Variants in MTMR14 observed in about 807,000 individuals in gnomAD.
MTMR14 encodes the protein phosphatidylinositol-3,5-bisphosphate 3-phosphatase MTMR14.
Under a neutral mutation model 86.3 loss-of-function variants are expected in MTMR14, and 48 were observed. The ratio of observed to expected loss-of-function variants is 0.56; its 90% CI spans 0.44 to 0.71. The LOEUF (loss-of-function observed/expected upper bound fraction) is 0.71, where lower values mean the gene tolerates loss of function less well. MTMR14 is among the 30% of genes least tolerant of loss of function. The pLI is 0.00. For synonymous variants in MTMR14, 366 were observed against 326.1 expected, an observed-to-expected ratio of 1.12 and a Z score of -1.32; for missense variants, 780 against 834.6, an observed-to-expected ratio of 0.93 and a Z score of 0.81.
At chr3:9,651,681 T>C (rs1460105547) in intron 1 of MTMR14, among the ~76,000 whole-genome samples, 2 of 152,078 alleles carry the variant, frequency 1.3e-5, no homozygotes, top group Admixed American at 6.5e-5. Flanking sequence ...AAACTTTTTT[T>C]TTCAGAAGGA....
intron 2 of MTMR14, 186 bp downstream of exon 2, chr3:9,653,955 G>C (rs1425925580): frequency 1.4e-6 from 1 of 734,218 alleles, no homozygotes; most frequent in Non-Finnish European, 2.3e-6. Context: ...AGAATGAGGG[G>C]TTGGGAGTAA....
chr3:9,677,390 A>T lies in MTMR14; in HGVS notation c.822+3A>T. The T allele has an allele frequency of 6.2e-7, 1 of 1,613,090 alleles. No individual in the cohort carries two copies. On this transcript the variant is annotated splice_donor_region_variant and intron_variant, in intron 8 of 18. Transcript: ENST00000296003. The surrounding 1 kb of genome is among the most constrained non-coding windows in gnomAD (Gnocchi z 4.2). ...GGCTCATATTTAACTGGAAGCAGGT[A>T]TGAGCAATAACATACATCAAATTGG...
At chr3:9,667,007 C>T (rs546211206) in intron 3 of MTMR14, among the ~76,000 whole-genome samples, 7 of 152,258 alleles carry the variant, frequency 4.6e-5, no homozygotes, top group South Asian at 2.1e-4. Flanking sequence ...CCATCTGACT[C>T]GGGTTTTGCT....
At chr3:9,655,713 G>A (rs558744596) in intron 2 of MTMR14, among the ~76,000 whole-genome samples, 47 of 151,034 alleles carry the variant, frequency 3.1e-4, no homozygotes, top group Admixed American at 1.1e-3. Flanking sequence ...CAGCCGCCTC[G>A]GCCTCCCTAA....
intron 2 of MTMR14, among the ~76,000 whole-genome samples, chr3:9,658,816 C>T (rs943626497): frequency 2.0e-5 from 3 of 152,178 alleles, no homozygotes; most frequent in East Asian, 3.8e-4. Context: ...AGGAACAAGC[C>T]ACCCAGTTTG....
chr3:9,701,967 C>G lies in MTMR14; in HGVS notation c.1947C>G (p.Ala649=). The G allele has an allele frequency of 6.2e-7, 1 of 1,614,152 alleles. No homozygotes were observed. The highest frequency in any genetic ancestry group is 8.5e-7 in the Non-Finnish European group (1 of 1,180,034). The change falls in exon 19 of 19, where the codon GCC becomes GCG. Residue 649 remains alanine, a synonymous_variant. Coordinates refer to ENST00000296003, the MANE Select transcript of MTMR14 (RefSeq NM_001077525.3). The surrounding 1 kb of genome is among the most constrained non-coding windows in gnomAD (Gnocchi z 4.2). ...GACTCCGGAGCATCAGCAGCAATGC[C>G]TTGTGAAGAAGCCAGCCCATGACAT... ...GVGLRSISSN[A]L
chr3:9,697,829 C>CCTTT lies in MTMR14; in HGVS notation c.1734_1737dup (p.Ser580PhefsTer6). 6.2e-7 allele frequency: 1 copy of CCTTT among 1,614,224 alleles called. No individual in the cohort carries two copies. The highest frequency in any genetic ancestry group is 2.2e-5 in the East Asian group (1 of 44,880). ...TGTCCTGCACACAGACTCCTCTCTCCCTTTCAGCTTCCCGGATGAGCTCCC... is the reference window on the plus strand; with the variant it reads ...TGTCCTGCACACAGACTCCTCTCTCCCTTTCTTTCAGCTTCCCGGATGAGCTCCC... On this transcript the variant is annotated frameshift_variant, in exon 18 of 19. Coordinates refer to ENST00000296003, the MANE Select transcript of MTMR14 (RefSeq NM_001077525.3). LOFTEE classifies it high-confidence loss of function.
intron 5 of MTMR14, 63 bp downstream of exon 5, chr3:9,669,555 G>T: frequency 6.5e-7 from 1 of 1,544,294 alleles, no homozygotes; most frequent in South Asian, 1.2e-5. Context: ...GCCAGAGATG[G>T]CCATGTTCAT....
chr3:9,653,569 A>C, intron 1 of MTMR14, 52 bp from the exon 2 acceptor site: 2 of 1,612,616 alleles, frequency 1.2e-6, no homozygotes, highest in Non-Finnish European at 1.7e-6. Flanking sequence ...CCTAATTCTC[A>C]CCCTCAGAAC....
intron 6 of MTMR14, among the ~76,000 whole-genome samples, chr3:9,672,065 A>G (rs1038244660): frequency 2.0e-5 from 3 of 152,288 alleles, no homozygotes; most frequent in Middle Eastern, 6.8e-3. Flanking sequence ...AAGGGTTCCC[A>G]TAGGATCATA....
intron 9 of MTMR14, among the ~76,000 whole-genome samples, chr3:9,678,297 C>T (rs917791178): frequency 2.6e-5 from 4 of 152,230 alleles, no homozygotes; most frequent in Non-Finnish European, 4.4e-5. Context: ...CAAAGATTTG[C>T]ATCCACCAGG....
At chr3:9,662,546 T>C (rs1417334162) in intron 3 of MTMR14, among the ~76,000 whole-genome samples, 171 bp downstream of exon 3, 1 of 152,052 alleles carries the variant, frequency 6.6e-6, no homozygotes, top group Non-Finnish European at 1.5e-5. Flanking sequence ...TGAAGGATGG[T>C]TCTAGGTAGA....
chr3:9,683,817 C>G, intron 10 of MTMR14: 1 of 157,102 alleles, frequency 6.4e-6, no homozygotes, highest in Non-Finnish European at 1.4e-5. Context: ...GCCAGGTGAA[C>G]ATCATAAAGA....
intron 1 of MTMR14, among the ~76,000 whole-genome samples, chr3:9,653,044 C>T (rs1316235276): frequency 6.6e-6 from 1 of 152,218 alleles, no homozygotes; most frequent in East Asian, 1.9e-4. Context: ...TGAAACTAGC[C>T]TGGCCAACAT....
intron 2 of MTMR14, among the ~76,000 whole-genome samples, chr3:9,655,846 C>T (rs1329499753): frequency 6.6e-6 from 1 of 151,948 alleles, no homozygotes; most frequent in African/African-American, 2.4e-5. Context: ...GAGGAACAAT[C>T]CAGTAGGAGG....
At chr3:9,654,077 G>A (rs1395529051) in intron 2 of MTMR14, among the ~76,000 whole-genome samples, 1 of 152,108 alleles carries the variant, frequency 6.6e-6, no homozygotes, top group Non-Finnish European at 1.5e-5. Flanking sequence ...AGTGTGAGTG[G>A]GAGGTACACT....
intron 17 of MTMR14, among the ~76,000 whole-genome samples, chr3:9,694,333 C>T (rs936950956): frequency 2.6e-5 from 4 of 151,992 alleles, no homozygotes; most frequent in Admixed American, 6.6e-5. Context: ...GCCCCCCTCC[C>T]GTAAGTTTGG....
chr3:9,701,818 C>A lies in MTMR14; in HGVS notation c.1798C>A (p.Arg600=). ...TGCAGCCCTGAGTGATCGAGAGACT[C>A]GGCTGCAGGAGGTGCGCTCAGCCTT... The part of the protein sequence containing the change: ...LLAALSDRET[R]LQEVRSAFLA... The change falls in exon 19 of 19, where the codon CGG becomes AGG. Residue 600 remains arginine, a synonymous_variant. Coordinates refer to ENST00000296003, the MANE Select transcript of MTMR14 (RefSeq NM_001077525.3). The surrounding 1 kb of genome is among the most constrained non-coding windows in gnomAD (Gnocchi z 4.2). The A allele has an allele frequency of 1.7e-5, 27 of 1,613,776 alleles. No individual in the cohort carries two copies. Among genetic ancestry groups the A allele is most frequent in the Non-Finnish European group, 2.2e-5 (26 of 1,180,042 alleles).
At chr3:9,678,784 C>A (rs1245984685) in intron 9 of MTMR14, among the ~76,000 whole-genome samples, 1 of 152,176 alleles carries the variant, frequency 6.6e-6, no homozygotes, top group Non-Finnish European at 1.5e-5. Context: ...CCCATTAACC[C>A]CCTGGGCACA....
Sources: gnomAD v4.1 joint callset for allele counts (sites outside exome capture counted in the v4.1 genomes callset) on GRCh38, gnomAD v4.1.1 for gene constraint, Gnocchi (gnomAD v3.1) non-coding constraint, MANE v1.5 for transcripts, NCBI Gene and HGNC (gene_info 2026-07-23, HGNC 2026-07-21) for gene names.